TK2: variants seen among roughly 807,000 people sequenced by gnomAD.
TK2 encodes the protein thymidine kinase 2, mitochondrial.
A neutral mutation model predicts 41.9 loss-of-function variants in TK2; 35 were observed. The ratio of observed to expected loss-of-function variants is 0.84; its 90% CI spans 0.64 to 1.11. TK2 has a LOEUF of 1.11. Among genes scored for constraint, TK2 ranks in the 50% least tolerant of loss-of-function variants. The pLI is 0.00. For synonymous variants in TK2, 128 were observed against 129.1 expected (o/e 0.99, Z 0.06); for missense variants, 320 against 351.1 (o/e 0.91, Z 0.71).
chr16:66,512,823 T>C (rs1964490817), intron 9 of TK2, among the ~76,000 whole-genome samples: 1 of 152,150 alleles, frequency 6.6e-6, no homozygotes, highest in Non-Finnish European at 1.5e-5. Context: ...AATATCTCAC[T>C]TTCCGGCAAC....
intron 1 of TK2, 160 bp from the exon 2 acceptor site, chr16:66,549,169 C>A: frequency 6.7e-7 from 1 of 1,488,488 alleles, no homozygotes; most frequent in South Asian, 1.3e-5. Context: ...GCGCGCACCA[C>A]CGTCTCGCCG....
chr16:66,525,431 A>C (rs1249106641), intron 6 of TK2, among the ~76,000 whole-genome samples: 1 of 152,242 alleles, frequency 6.6e-6, no homozygotes, highest in Admixed American at 6.5e-5. Flanking sequence ...CTAGGTTAAA[A>C]TAGGAGACTC....
rs1196998995 is a variant in TK2 at position 66,514,761 on chromosome 16, T to C, written c.619-950A>G. 6.6e-6 allele frequency among the ~76,000 whole-genome samples: 1 copy of C among 152,170 alleles called. No individual in the cohort carries two copies. Among genetic ancestry groups the C allele is most frequent in the African/African-American group, 2.4e-5 (1 of 41,456 alleles). ...AAATGTGGGGAAAAGAAAGATCAGATTGTTACTGTGTCTGTGTAGAAAGAA... is the reference window on the plus strand; with the variant it reads ...AAATGTGGGGAAAAGAAAGATCAGACTGTTACTGTGTCTGTGTAGAAAGAA... On this transcript the variant is annotated intron_variant, in intron 8 of 9. Coordinates refer to ENST00000544898, the MANE Select transcript of TK2 (RefSeq NM_004614.5). The surrounding 1 kb of genome is among the most constrained non-coding windows in gnomAD (Gnocchi z 4.2).
chr16:66,540,173 C>CTTTTTTTTTTTTTTTTTTTTTTTTTTT (rs200305417), intron 3 of TK2, among the ~76,000 whole-genome samples: 5 of 130,782 alleles, frequency 3.8e-5, no homozygotes, highest in Admixed American at 2.5e-4. Context: ...TTTCTTTTTT[C>CTTTTTTTTTTTTTTTTTTTTTTTTTTT]TTTTTTTTTT....
chr16:66,513,810 T>A lies in TK2; in HGVS notation c.620A>T (p.Glu207Val), dbSNP rs141225776. 9.9e-5 allele frequency: 160 copies of A among 1,613,836 alleles called. No homozygotes were observed. The highest frequency in any genetic ancestry group is 1.3e-4 in the Non-Finnish European group (153 of 1,179,996). Reference protein sequence around the residue: ...CREEEKVIPLEYLEAIHHLHE... With the variant: ...CREEEKVIPLVYLEAIHHLHE... ...GAGATGGTGAATTGCTTCCAGGTAT[T>A]CCTGCCAGGGAAACACAAGCAGTCT... Residue 207 changes from glutamate (E) to valine (V), a missense_variant and splice_region_variant, in exon 9 of 10, where the codon GAA becomes GTA. Physicochemically the swap from Glu to Val is moderately radical, Grantham distance 121 (BLOSUM62 -2). Coordinates refer to ENST00000544898, the MANE Select transcript of TK2 (RefSeq NM_004614.5).
chr16:66,539,197 C>A (rs1010567187), intron 3 of TK2, among the ~76,000 whole-genome samples: 6 of 152,136 alleles, frequency 3.9e-5, no homozygotes, highest in African/African-American at 1.4e-4. Context: ...CAAGAGTCCC[C>A]AAGCCCCCCC....
chr16:66,542,708 G>T (rs771393326), intron 2 of TK2, among the ~76,000 whole-genome samples: 1 of 152,156 alleles, frequency 6.6e-6, no homozygotes, highest in Non-Finnish European at 1.5e-5. Context: ...AGACCAAGGA[G>T]CATCCTAGAA....
At chr16:66,544,930 T>C (rs1217902988) in intron 2 of TK2, among the ~76,000 whole-genome samples, 2 of 151,688 alleles carry the variant, frequency 1.3e-5, no homozygotes, top group African/African-American at 4.8e-5. Flanking sequence ...CTACTAAAAA[T>C]ACAAAAATTA....
rs1964834282 is a variant in TK2, at chr16:66,523,255, C to T, written c.450-5378G>A. The stretch of plus-strand genomic sequence containing the variant: ...GCACTGAAGGGGCAATGGTAATGTG[C>T]CCTCCCACCTTGTGAAGGGCTCCCC... On this transcript the variant is annotated intron_variant, in intron 6 of 9. Coordinates refer to ENST00000544898, the MANE Select transcript of TK2 (RefSeq NM_004614.5). 2.0e-5 allele frequency among the ~76,000 whole-genome samples: 3 copies of T among 152,144 alleles called. No individual in the cohort carries two copies. The South Asian group carries it at 6.2e-4, about 32-fold the overall frequency.
Position 66,511,828 on chromosome 16 carries a change from C to G in TK2, c.*140G>C. The G allele has an allele frequency of 1.3e-6, 1 of 743,470 alleles. No individual in the cohort carries two copies. Among genetic ancestry groups the G allele is most frequent in the South Asian group, 1.5e-5 (1 of 67,742 alleles). 46.1% of individuals were successfully genotyped at this position (743,470 alleles called of 1,614,324 possible). On this transcript the variant is annotated 3_prime_UTR_variant, in exon 10 of 10. Transcript: ENST00000544898. The stretch of plus-strand genomic sequence containing the variant: ...CAGAGACGCATGACAAAGACACTAG[C>G]AAAGGAGATGAGACCATTAGGAAAA...
Position 66,512,021 on chromosome 16 carries a change from C to G in TK2, c.745G>C (p.Glu249Gln). 1 of 1,614,174 alleles carries G rather than the reference C, an allele frequency of 6.2e-7. No individual in the cohort carries two copies. Among genetic ancestry groups the G allele is most frequent in the Non-Finnish European group, 8.5e-7 (1 of 1,180,048 alleles). The change falls in exon 10 of 10, where the codon GAA becomes CAA. Residue 249 changes from glutamate (E) to glutamine (Q), a missense_variant. By Grantham distance (29) the Glu-to-Gln change is conservative. Coordinates refer to ENST00000544898, the MANE Select transcript of TK2 (RefSeq NM_004614.5). ...HHMERMLELF[E>Q]QNRDRILTPE... ...GTTAATATTCGATCCCGATTTTGTT[C>G]AAAGAGTTCTAACATCCTCTCCATG...
intron 3 of TK2, among the ~76,000 whole-genome samples, chr16:66,538,702 A>T (rs1300425124): frequency 2.6e-5 from 4 of 152,212 alleles, no homozygotes; most frequent in African/African-American, 9.6e-5. Flanking sequence ...TATAAAAGAG[A>T]GGTACAGAGC....
In TK2 at chr16:66,514,764, T is replaced by A. The variant is rs1178240036; in HGVS notation, c.619-953A>T. Among the ~76,000 whole-genome samples, 2 of 152,204 alleles carry A rather than the reference T, an allele frequency of 1.3e-5. No homozygotes were observed. The highest frequency in any genetic ancestry group is 2.9e-5 in the Non-Finnish European group (2 of 68,026). ...TGTGGGGAAAAGAAAGATCAGATTG[T>A]TACTGTGTCTGTGTAGAAAGAAGTA... On this transcript the variant is annotated intron_variant, in intron 8 of 9. Transcript: ENST00000544898. This position sits in a 1 kb window ranked among gnomAD's most constrained non-coding sequence, Gnocchi z 4.2.
At chr16:66,530,234 G>A (rs1965067294) in intron 5 of TK2, among the ~76,000 whole-genome samples, 1 of 152,198 alleles carries the variant, frequency 6.6e-6, no homozygotes, top group African/African-American at 2.4e-5. Flanking sequence ...CAGGTACCCA[G>A]ACTGGGACCG....
chr16:66,526,971 C>G (rs1262003137), intron 6 of TK2, among the ~76,000 whole-genome samples: 1 of 152,220 alleles, frequency 6.6e-6, no homozygotes, highest in Non-Finnish European at 1.5e-5. Context: ...TTGCAACCTC[C>G]GCCTCGGGTT....
intron 2 of TK2, among the ~76,000 whole-genome samples, chr16:66,547,318 T>TC (rs2144486133): frequency 6.6e-6 from 1 of 152,230 alleles, no homozygotes; most frequent in East Asian, 1.9e-4. Context: ...AGTTAGGCCC[T>TC]CCACTCATGG....
rs764601845 is a variant in TK2 at position 66,517,266 on chromosome 16, G to A, written c.539-51C>T. On this transcript the variant is annotated intron_variant, in intron 7 of 9. Transcript: ENST00000544898. This position sits in a 1 kb window ranked among gnomAD's most constrained non-coding sequence, Gnocchi z 4.3. ...TCAGGACTCTGCTCATGGCTTGGAAGCAAAGCAGGCACACAGGCAAAGGCG... is the reference window on the plus strand; with the variant it reads ...TCAGGACTCTGCTCATGGCTTGGAAACAAAGCAGGCACACAGGCAAAGGCG... 3 of 1,504,172 alleles carry A rather than the reference G, an allele frequency of 2.0e-6. No individual in the cohort carries two copies. Among genetic ancestry groups the A allele is most frequent in the Admixed American group, 1.7e-5 (1 of 59,864 alleles). 93.2% of individuals were successfully genotyped at this position (1,504,172 alleles called of 1,614,324 possible).
chr16:66,529,947 C>G (rs1965057699), intron 5 of TK2, among the ~76,000 whole-genome samples: 1 of 152,208 alleles, frequency 6.6e-6, no homozygotes, highest in South Asian at 2.1e-4. Flanking sequence ...CCATCTCTCT[C>G]TGCCTCCTGA....
In TK2 at chr16:66,514,018, T is replaced by C. The variant is rs551895816; in HGVS notation, c.619-207A>G. Among the ~76,000 whole-genome samples the C allele has an allele frequency of 1.9e-4, 29 of 152,192 alleles. No individual in the cohort carries two copies. The highest frequency in any genetic ancestry group is 6.5e-4 in the African/African-American group (27 of 41,542). Reference sequence around the variant, plus strand: ...CAGGCTGAGCAAAACAGCACAAGTGTCACCAGCCACCCTGCTCTGCTCCAC... The same window carrying C: ...CAGGCTGAGCAAAACAGCACAAGTGCCACCAGCCACCCTGCTCTGCTCCAC... On this transcript the variant is annotated intron_variant, in intron 8 of 9. Transcript: ENST00000544898. This position sits in a 1 kb window ranked among gnomAD's most constrained non-coding sequence, Gnocchi z 4.2.
Sources: gnomAD v4.1 joint callset for allele counts (sites outside exome capture counted in the v4.1 genomes callset) on GRCh38, gnomAD v4.1.1 for gene constraint, Gnocchi (gnomAD v3.1) non-coding constraint, MANE v1.5 for transcripts, NCBI Gene and HGNC (gene_info 2026-07-23, HGNC 2026-07-21) for gene names.